The following CHODL variants were observed in gnomAD, a reference collection of about 807,000 sequenced individuals.
CHODL encodes the protein transmembrane protein MT75.
Under a neutral mutation model 34.5 loss-of-function variants are expected in CHODL, and 29 were observed. The observed-to-expected ratio is 0.84, with a 90% CI of 0.63 to 1.15. The LOEUF (loss-of-function observed/expected upper bound fraction) is 1.15, where lower values mean the gene tolerates loss of function less well. Ranked by LOEUF, CHODL falls within the 50% of genes most tolerant of loss-of-function variation. The probability of loss-of-function intolerance (pLI) is 0.00; values close to 1 mark genes in which losing one functional copy is unlikely to be tolerated. For synonymous variants in CHODL, 125 were observed against 116.1 expected (o/e 1.08, Z -0.49); for missense variants, 332 against 332.5 (o/e 1.00, Z 0.01).
At chr21:18,216,142 T>G (rs1043474126) in intron 2 of CHODL, among the ~76,000 whole-genome samples, 2 of 152,136 alleles carry the variant, frequency 1.3e-5, no homozygotes, top group Non-Finnish European at 2.9e-5. Context: ...TATGGTTTGT[T>G]GGATTGATTG....
At chr21:18,051,536 G>A (rs2064516718) in intron 2 of CHODL, among the ~76,000 whole-genome samples, 1 of 151,768 alleles carries the variant, frequency 6.6e-6, no homozygotes, top group African/African-American at 2.4e-5. Context: ...AGGGGGCAAT[G>A]TGAAGTTATT....
intron 2 of CHODL, among the ~76,000 whole-genome samples, chr21:18,058,693 A>G (rs1216872758): frequency 6.6e-6 from 1 of 152,162 alleles, no homozygotes; most frequent in Non-Finnish European, 1.5e-5. Context: ...ACAAAATACA[A>G]AATGGACTTT....
chr21:18,172,036 C>A (rs1038594101), intron 2 of CHODL, among the ~76,000 whole-genome samples: 3 of 152,176 alleles, frequency 2.0e-5, no homozygotes, highest in African/African-American at 7.2e-5. Context: ...TAGGGACTTT[C>A]CATGTCTTTC....
intron 2 of CHODL, among the ~76,000 whole-genome samples, chr21:18,029,922 C>G (rs1229383491): frequency 6.6e-6 from 1 of 152,114 alleles, no homozygotes; most frequent in Non-Finnish European, 1.5e-5. Context: ...GGGACATGAC[C>G]TGGCTGTGTT....
At chr21:17,993,624 G>A (rs1009977882) in intron 1 of CHODL, among the ~76,000 whole-genome samples, 1 of 152,260 alleles carries the variant, frequency 6.6e-6, no homozygotes, top group Middle Eastern at 3.4e-3. Context: ...TCATTGATGG[G>A]CATTTAGGTT....
intron 2 of CHODL, among the ~76,000 whole-genome samples, chr21:18,092,690 G>A (rs1216920315): frequency 6.6e-6 from 1 of 152,164 alleles, no homozygotes; most frequent in Non-Finnish European, 1.5e-5. Context: ...TCCCAAGAAG[G>A]CATGCCTTTT....
intron 2 of CHODL, among the ~76,000 whole-genome samples, chr21:18,036,147 T>C (rs142014380): frequency 1.4e-3 from 210 of 152,168 alleles, no homozygotes; most frequent in African/African-American, 4.7e-3. Context: ...AAGCCTGTAG[T>C]CTAGGGCCAA....
chr21:18,110,262 G>C (rs1286144559), intron 2 of CHODL, among the ~76,000 whole-genome samples: 2 of 152,110 alleles, frequency 1.3e-5, no homozygotes, highest in African/African-American at 2.4e-5. Flanking sequence ...AGTCTCTTGG[G>C]TTTGTTCACA....
Position 17,978,353 on chromosome 21 carries a change from C to T in CHODL, c.-144-49519C>T, listed in dbSNP as rs187523350. 1.2e-3 allele frequency among the ~76,000 whole-genome samples: 172 copies of T among 146,240 alleles called. 1 individual carries two copies. The highest frequency in any genetic ancestry group is 3.9e-3 in the African/African-American group (152 of 39,166). On this transcript the variant is annotated intron_variant, in intron 1 of 6. Transcript: ENST00000400127. ...AGGAGAATGGTGTGAACCTGGCAGG[C>T]GGAGCTTGCAATGAGCCAAGATGGC...
chr21:17,965,176 C>T (rs909646148), intron 1 of CHODL, among the ~76,000 whole-genome samples: 17 of 152,166 alleles, frequency 1.1e-4, no homozygotes, highest in African/African-American at 4.1e-4. Context: ...TCTACCTCCT[C>T]AAATGTACAC....
chr21:18,069,864 C>T (rs1019474488), intron 2 of CHODL, among the ~76,000 whole-genome samples: 2 of 151,796 alleles, frequency 1.3e-5, no homozygotes, highest in African/African-American at 2.4e-5. Flanking sequence ...CCCTCCTCAG[C>T]CTCCCAAAGT....
At chr21:18,119,122 C>T (rs1568895866) in intron 2 of CHODL, among the ~76,000 whole-genome samples, 7 of 152,132 alleles carry the variant, frequency 4.6e-5, no homozygotes. Context: ...TTAATGAGTA[C>T]AATTTGATAA....
At chr21:17,944,245 A>C (rs13048751) in intron 1 of CHODL, among the ~76,000 whole-genome samples, 2 of 152,040 alleles carry the variant, frequency 1.3e-5, no homozygotes, top group Non-Finnish European at 2.9e-5. Context: ...ATAACCCTGC[A>C]TAGACAGGGA....
At chr21:18,203,044 A>G (rs1373236163) in intron 2 of CHODL, among the ~76,000 whole-genome samples, 3 of 152,264 alleles carry the variant, frequency 2.0e-5, no homozygotes, top group Admixed American at 2.0e-4. Flanking sequence ...TCCAATTATT[A>G]AATGAAACTC....
At chr21:17,979,115 C>T (rs1317480354) in intron 1 of CHODL, among the ~76,000 whole-genome samples, 1 of 152,150 alleles carries the variant, frequency 6.6e-6, no homozygotes, top group Non-Finnish European at 1.5e-5. Context: ...ATTTAAGGTC[C>T]ATAACCTTGA....
chr21:18,138,416 G>C (rs2072761583), intron 2 of CHODL, among the ~76,000 whole-genome samples: 1 of 152,118 alleles, frequency 6.6e-6, no homozygotes, highest in African/African-American at 2.4e-5. Flanking sequence ...GGATGACCAT[G>C]ATAGAATTCC....
intron 2 of CHODL, among the ~76,000 whole-genome samples, chr21:18,119,570 T>G (rs1411032093): frequency 6.6e-6 from 1 of 152,032 alleles, no homozygotes; most frequent in Non-Finnish European, 1.5e-5. Context: ...TGAGGAGCAT[T>G]TCTGAATGGG....
intron 1 of CHODL, among the ~76,000 whole-genome samples, chr21:17,940,367 G>A (rs1012539899): frequency 9.9e-5 from 15 of 152,132 alleles, no homozygotes; most frequent in African/African-American, 2.2e-4. Context: ...ATACTACACA[G>A]TGAAGAAAAT....
chr21:18,256,887 A>T, intron 2 of CHODL, 69 bp downstream of exon 2: 2 of 1,583,534 alleles, frequency 1.3e-6, no homozygotes, highest in Non-Finnish European at 1.7e-6. Flanking sequence ...GGACTCTGTT[A>T]CCTGTAGAGG....
Sources: gnomAD v4.1 joint callset for allele counts (sites outside exome capture counted in the v4.1 genomes callset) on GRCh38, gnomAD v4.1.1 for gene constraint, MANE v1.5 for transcripts, NCBI Gene and HGNC (gene_info 2026-07-23, HGNC 2026-07-21) for gene names.